DOCK11: variants seen among roughly 807,000 people sequenced by gnomAD.
The protein encoded by DOCK11 is dedicator of cytokinesis protein 11.
Under a neutral mutation model 169.1 loss-of-function variants are expected in DOCK11, and 70 were observed. That is an observed-to-expected ratio of 0.41 (90% CI 0.34 to 0.51). The LOEUF (loss-of-function observed/expected upper bound fraction) is 0.51, where lower values mean the gene tolerates loss of function less well. Among genes scored for constraint, DOCK11 ranks in the 20% least tolerant of loss-of-function variants. The pLI, the probability that DOCK11 is intolerant of heterozygous loss-of-function variation, is 0.10. For synonymous variants in DOCK11, 529 were observed against 541.3 expected (o/e 0.98, Z 0.32); for missense variants, 1,166 against 1,538.8 (o/e 0.76, Z 4.05).
chrX:118,569,203 C>G (rs1166135647), intron 10 of DOCK11, among the ~76,000 whole-genome samples: 1 of 103,929 alleles, frequency 9.6e-6, no homozygotes, highest in Non-Finnish European at 2.0e-5. Flanking sequence ...AGCAGTTCTC[C>G]TGCCTCAGCC....
intron 1 of DOCK11, among the ~76,000 whole-genome samples, chrX:118,507,991 T>G (rs2057625336): frequency 9.1e-6 from 1 of 109,633 alleles, no homozygotes; most frequent in East Asian, 2.9e-4. Flanking sequence ...ATGATCTCGC[T>G]CTATTGGGAA....
chrX:118,601,362 T>C (rs1259593328), intron 23 of DOCK11, among the ~76,000 whole-genome samples: 3 of 105,212 alleles, frequency 2.9e-5, no homozygotes, highest in African/African-American at 1.1e-4. Flanking sequence ...AGGTTGAGTC[T>C]CCAGTAAACT....
chrX:118,660,622 G>A (rs1383688715), intron 44 of DOCK11, among the ~76,000 whole-genome samples: 2 of 108,711 alleles, frequency 1.8e-5, no homozygotes, highest in Non-Finnish European at 3.8e-5. Context: ...CCGCCACCAC[G>A]CCCAGCTAAT....
In DOCK11 at chrX:118,500,052, C is replaced by CT. The variant is rs1196735132; in HGVS notation, c.102+3994dup. 7.6e-3 allele frequency among the ~76,000 whole-genome samples: 743 copies of CT among 97,810 alleles called. 13 individuals are homozygous for CT. Among genetic ancestry groups the CT allele is most frequent in the Non-Finnish European group, 0.01 (485 of 47,817 alleles). 84.9% of individuals were successfully genotyped at this position (97,810 alleles called of 115,157 possible). On this transcript the variant is annotated intron_variant, in intron 1 of 52. Coordinates refer to ENST00000276202, the MANE Select transcript of DOCK11 (RefSeq NM_144658.4). ...ACCTTTGTTTTTTAAGCTTTCATTG[C>CT]TTTTTTTTTTTTTTTAGACGGAATC...
chrX:118,545,809 G>C (rs1207072947), intron 5 of DOCK11, among the ~76,000 whole-genome samples: 1 of 111,824 alleles, frequency 8.9e-6, no homozygotes, highest in Non-Finnish European at 1.9e-5. Context: ...CCAGAAGAGA[G>C]CCCATACCAT....
chrX:118,624,614 G>A lies in DOCK11; in HGVS notation c.3547G>A (p.Gly1183Ser). 8.3e-7 allele frequency: 1 copy of A among 1,207,418 alleles called. No homozygotes were observed. Among genetic ancestry groups the A allele is most frequent in the Non-Finnish European group, 1.1e-6 (1 of 891,975 alleles). ...TTTGGAAAATATACAGCGATTAGCA[G>A]GTCGAGATACCTTGTATTCTTGTGC... ...LLLENIQRLA[G>S]RDTLYSCAAM... The change falls in exon 32 of 53, where the codon GGT (glycine) becomes AGT (serine). Residue 1183 changes from glycine to serine, a missense_variant. Transcript: ENST00000276202.
chrX:118,559,100 G>A (rs181185985), intron 6 of DOCK11, among the ~76,000 whole-genome samples: 1 of 112,099 alleles, frequency 8.9e-6, no homozygotes, highest in Non-Finnish European at 1.9e-5. Flanking sequence ...TGCAATGTTA[G>A]AGGAAGTGAT....
intron 23 of DOCK11, among the ~76,000 whole-genome samples, chrX:118,603,804 A>G (rs1254927315): frequency 8.9e-6 from 1 of 112,181 alleles, no homozygotes; most frequent in Non-Finnish European, 1.9e-5. Flanking sequence ...TTGCCTTGAA[A>G]GAGTAGCCAG....
chrX:118,552,423 G>A (rs2012530760), intron 6 of DOCK11, among the ~76,000 whole-genome samples: 1 of 111,716 alleles, frequency 9.0e-6, no homozygotes, highest in Admixed American at 9.6e-5. Flanking sequence ...TGAGTTCTTC[G>A]TATTGGAAGA....
At chrX:118,672,724 C>T (rs935000174) in intron 46 of DOCK11, among the ~76,000 whole-genome samples, 2 of 113,159 alleles carry the variant, frequency 1.8e-5, no homozygotes, top group African/African-American at 6.4e-5. Context: ...CGTGAGCCAC[C>T]GTGCCCGGCC....
intron 24 of DOCK11, among the ~76,000 whole-genome samples, chrX:118,607,268 C>G (rs1354468038): frequency 9.7e-6 from 1 of 103,488 alleles, no homozygotes; most frequent in Non-Finnish European, 2.0e-5. Flanking sequence ...AGGCGCCCAC[C>G]ACCACACCCA....
At chrX:118,630,734 G>C (rs1428722931) in intron 35 of DOCK11, among the ~76,000 whole-genome samples, 2 of 112,526 alleles carry the variant, frequency 1.8e-5, no homozygotes, top group African/African-American at 6.4e-5. Context: ...TTTCTAAAAT[G>C]AGGCAATGGT....
At chrX:118,516,928 G>A (rs2057693904) in intron 1 of DOCK11, among the ~76,000 whole-genome samples, 1 of 111,990 alleles carries the variant, frequency 8.9e-6, no homozygotes, top group South Asian at 3.7e-4. Context: ...TGCAAGGTTT[G>A]AGTAAAATTA....
In DOCK11 at chrX:118,671,153, A is replaced by G. The variant is rs773152414; in HGVS notation, c.5199+8A>G. 5 of 1,195,543 alleles carry G rather than the reference A, an allele frequency of 4.2e-6. No individual in the cohort carries two copies. The South Asian group carries it at 7.3e-5, about 17-fold the overall frequency. ...AAACGTCGTGAGTTTGAGGTAGGCA[A>G]TTTGAACATTTTTATCATTGACTTA... On this transcript the variant is annotated splice_region_variant and intron_variant, in intron 46 of 52. Coordinates refer to ENST00000276202, the MANE Select transcript of DOCK11 (RefSeq NM_144658.4).
In DOCK11 at chrX:118,549,653, AAGC is replaced by A. The variant is rs768959651; in HGVS notation, c.558+3540_558+3542del. 1.0e-3 allele frequency among the ~76,000 whole-genome samples: 113 copies of A among 111,457 alleles called. 4 individuals carry two copies. The highest frequency in any genetic ancestry group is 5.3e-4 in the Non-Finnish European group (28 of 53,088). Reference sequence around the variant, plus strand: ...ACTGCAGTCTCAAACTCCCAGGCTCAAGCAGTCCTCCCACTTCAGCCTCCCAAG... The same window carrying A: ...ACTGCAGTCTCAAACTCCCAGGCTCAAGTCCTCCCACTTCAGCCTCCCAAG... On this transcript the variant is annotated intron_variant, in intron 6 of 52. Coordinates refer to ENST00000276202, the MANE Select transcript of DOCK11 (RefSeq NM_144658.4).
intron 39 of DOCK11, 120 bp downstream of exon 39, chrX:118,641,425 G>A (rs2015531506): frequency 2.0e-6 from 1 of 503,581 alleles, no homozygotes; most frequent in Non-Finnish European, 3.4e-6. Flanking sequence ...AGGAAATGTG[G>A]ATGGCAGTTC....
At chrX:118,599,286 A>C (rs762689234) in intron 23 of DOCK11, 58 bp downstream of exon 23, 110 of 883,447 alleles carry the variant, frequency 1.2e-4, no homozygotes, top group Non-Finnish European at 1.7e-4. Context: ...CTGTTGCCAC[A>C]TTTTGGTGTG....
intron 6 of DOCK11, among the ~76,000 whole-genome samples, chrX:118,554,438 T>G (rs1204142075): frequency 5.4e-5 from 6 of 110,566 alleles, no homozygotes; most frequent in Admixed American, 2.9e-4. Flanking sequence ...TAATATCAGC[T>G]ACTCGGGAGG....
intron 6 of DOCK11, among the ~76,000 whole-genome samples, chrX:118,554,347 C>G (rs1213164796): frequency 9.0e-6 from 1 of 111,060 alleles, no homozygotes; most frequent in Non-Finnish European, 1.9e-5. Context: ...GTCAAAAGTT[C>G]AAGACCAGCC....
Sources: allele counts gnomAD v4.1 joint callset (sites outside exome capture counted in the v4.1 genomes callset), GRCh38; gene constraint gnomAD v4.1.1; transcripts MANE v1.5; gene names NCBI Gene and HGNC (gene_info 2026-07-23, HGNC 2026-07-21).